LPP: variants seen among roughly 807,000 people sequenced by gnomAD.
LPP encodes the protein lipoma-preferred partner.
In LPP, 38 loss-of-function variants were observed where a neutral mutation model predicts 60.4. The ratio of observed to expected loss-of-function variants is 0.63; its 90% CI spans 0.49 to 0.83. The LOEUF (loss-of-function observed/expected upper bound fraction) is 0.83, where lower values mean the gene tolerates loss of function less well. Ranked by LOEUF, LPP falls within the 40% of genes least tolerant of loss-of-function variation. The probability of loss-of-function intolerance (pLI) is 0.00; values close to 1 mark genes in which losing one functional copy is unlikely to be tolerated. For missense variants in LPP, 902 were observed against 783.6 expected (o/e 1.15, Z -1.80); for synonymous variants, 328 against 290.8 (o/e 1.13, Z -1.30).
intron 3 of LPP, among the ~76,000 whole-genome samples, chr3:188,381,024 T>C (rs546662351): frequency 2.3e-4 from 35 of 152,338 alleles, no homozygotes; most frequent in African/African-American, 8.2e-4. Flanking sequence ...TTCTGCATTT[T>C]CAACCTTCAT....
chr3:188,739,134 T>C (rs1022177687), intron 8 of LPP, among the ~76,000 whole-genome samples: 1 of 152,024 alleles, frequency 6.6e-6, no homozygotes, highest in Non-Finnish European at 1.5e-5. Context: ...TCTGTAATAA[T>C]TTGAAGAAGG....
intron 7 of LPP, among the ~76,000 whole-genome samples, chr3:188,626,911 C>G (rs1846952025): frequency 6.6e-6 from 1 of 151,176 alleles, no homozygotes; most frequent in Non-Finnish European, 1.5e-5. Context: ...CTATGAAATA[C>G]CTCAAAAATC....
intron 7 of LPP, among the ~76,000 whole-genome samples, chr3:188,707,582 A>G (rs1865734616): frequency 6.6e-6 from 1 of 152,118 alleles, no homozygotes; most frequent in Non-Finnish European, 1.5e-5. Flanking sequence ...AAATTACTCA[A>G]CTTCCTTAAC....
At chr3:188,846,647 G>T (rs946753140) in intron 9 of LPP, among the ~76,000 whole-genome samples, 4 of 136,654 alleles carry the variant, frequency 2.9e-5, no homozygotes, top group African/African-American at 1.1e-4. Flanking sequence ...TTGCACCACT[G>T]CACTCCAGCC....
intron 7 of LPP, among the ~76,000 whole-genome samples, chr3:188,685,311 C>A (rs980841499): frequency 2.0e-5 from 3 of 151,800 alleles, no homozygotes; most frequent in African/African-American, 7.3e-5. Flanking sequence ...AATGTTTGAC[C>A]CTACAGAGAA....
intron 3 of LPP, among the ~76,000 whole-genome samples, chr3:188,369,067 T>G (rs1048320404): frequency 2.0e-5 from 3 of 152,060 alleles, no homozygotes; most frequent in African/African-American, 4.8e-5. Context: ...CATCATGTGA[T>G]TCTCTCTCCT....
intron 2 of LPP, among the ~76,000 whole-genome samples, chr3:188,329,063 C>T (rs1045533797): frequency 6.6e-5 from 10 of 152,088 alleles, no homozygotes; most frequent in Admixed American, 2.6e-4. Context: ...CACAGGGAAA[C>T]GGCTTCTTAG....
At chr3:188,418,295 T>G (rs1786875640) in intron 4 of LPP, among the ~76,000 whole-genome samples, 1 of 152,188 alleles carries the variant, frequency 6.6e-6, no homozygotes, top group South Asian at 2.1e-4. Flanking sequence ...TTACAATTAC[T>G]AAAACAACTT....
chr3:188,524,930 TC>T, intron 6 of LPP, 143 bp downstream of exon 6: 1 of 585,732 alleles, frequency 1.7e-6, no homozygotes, highest in South Asian at 3.0e-5. Flanking sequence ...CTTCCTTCCT[TC>T]CTTCCTTCCT....
chr3:188,250,557 C>T (rs551063155), intron 2 of LPP, among the ~76,000 whole-genome samples: 2 of 152,188 alleles, frequency 1.3e-5, no homozygotes, highest in South Asian at 4.1e-4. Flanking sequence ...ACATTTTTTC[C>T]TAAACCAGCA....
intron 3 of LPP, among the ~76,000 whole-genome samples, chr3:188,347,867 T>A (rs1292567726): frequency 6.6e-6 from 1 of 152,138 alleles, no homozygotes; most frequent in East Asian, 1.9e-4. Flanking sequence ...TGGAGGTGGT[T>A]AGAAGGGGTA....
chr3:188,189,413 C>T (rs759316551), intron 1 of LPP, among the ~76,000 whole-genome samples: 2 of 152,114 alleles, frequency 1.3e-5, no homozygotes, highest in Non-Finnish European at 2.9e-5. Context: ...CTGAGATGTG[C>T]GAGAGTGATA....
chr3:188,502,994 TAA>T (rs1349563228), intron 5 of LPP, among the ~76,000 whole-genome samples: 2 of 152,092 alleles, frequency 1.3e-5, no homozygotes, highest in East Asian at 1.9e-4. Flanking sequence ...ATAAAATTTA[TAA>T]GATTATAAAA....
chr3:188,375,662 G>T (rs1774826472), intron 3 of LPP, among the ~76,000 whole-genome samples: 1 of 151,968 alleles, frequency 6.6e-6, no homozygotes, highest in Non-Finnish European at 1.5e-5. Context: ...ACCAGCTCCT[G>T]GATTCATTAA....
At chr3:188,789,416 T>C (rs960267893) in intron 9 of LPP, among the ~76,000 whole-genome samples, 1 of 152,220 alleles carries the variant, frequency 6.6e-6, no homozygotes, top group African/African-American at 2.4e-5. Context: ...GTACATTTAA[T>C]TCAAAAAGAG....
chr3:188,840,746 T>C (rs572631753), intron 9 of LPP, among the ~76,000 whole-genome samples: 83 of 152,172 alleles, frequency 5.5e-4, no homozygotes, highest in Non-Finnish European at 1.0e-3. Context: ...GCATTATTAT[T>C]ATCCTCATCT....
intron 2 of LPP, among the ~76,000 whole-genome samples, chr3:188,232,364 T>C (rs566523277): frequency 2.0e-5 from 3 of 152,112 alleles, no homozygotes; most frequent in Admixed American, 6.5e-5. Context: ...CTTTTTTTTT[T>C]GAGATGGAGT....
intron 2 of LPP, among the ~76,000 whole-genome samples, chr3:188,252,215 A>G (rs1175148007): frequency 1.6e-5 from 2 of 128,986 alleles, no homozygotes; most frequent in African/African-American, 5.6e-5. Context: ...ATGTTTTTAT[A>G]TTTCCTCTTC....
intron 3 of LPP, among the ~76,000 whole-genome samples, chr3:188,389,555 C>G (rs1007641698): frequency 7.2e-5 from 11 of 152,124 alleles, no homozygotes; most frequent in Non-Finnish European, 1.0e-4. Flanking sequence ...GTGGGTGGAT[C>G]ACCTGAGGTC....
Sources: gnomAD v4.1 joint callset for allele counts (sites outside exome capture counted in the v4.1 genomes callset) on GRCh38, gnomAD v4.1.1 for gene constraint, MANE v1.5 for transcripts, NCBI Gene and HGNC (gene_info 2026-07-23, HGNC 2026-07-21) for gene names.